Variants in WDPCP observed in about 807,000 individuals in gnomAD.
WDPCP encodes the protein WD repeat containing planar cell polarity effector.
Under a neutral mutation model 93.1 loss-of-function variants are expected in WDPCP, and 71 were observed. That is an observed-to-expected ratio of 0.76 (90% CI 0.63 to 0.93). The LOEUF is 0.93. Ranked by LOEUF, WDPCP falls within the 40% of genes least tolerant of loss-of-function variation. The pLI, the probability that WDPCP is intolerant of heterozygous loss-of-function variation, is 0.00. For synonymous variants in WDPCP, 315 were observed against 315.0 expected (o/e 1.00, Z 0.00); for missense variants, 844 against 887.4 (o/e 0.95, Z 0.62).
chr2:63,267,495 T>C (rs1325834696), intron 13 of WDPCP, among the ~76,000 whole-genome samples: 1 of 151,994 alleles, frequency 6.6e-6, no homozygotes, highest in Non-Finnish European at 1.5e-5. Flanking sequence ...GAGACTGCAA[T>C]GAATGAAAAA....
At chr2:63,558,357 G>A (rs1453313419) in intron 1 of WDPCP, among the ~76,000 whole-genome samples, 6 of 151,750 alleles carry the variant, frequency 4.0e-5, no homozygotes, top group African/African-American at 7.3e-5. Flanking sequence ...GGGAAACCCC[G>A]TCTCTACTAA....
intron 14 of WDPCP, among the ~76,000 whole-genome samples, chr2:63,240,814 A>C (rs1679803318): frequency 6.6e-6 from 1 of 152,200 alleles, no homozygotes; most frequent in South Asian, 2.1e-4. Context: ...GAAGGGCTAA[A>C]AGCATAACAT....
intron 14 of WDPCP, among the ~76,000 whole-genome samples, chr2:63,194,561 A>AG (rs1349913571): frequency 7.9e-5 from 12 of 152,168 alleles, no homozygotes; most frequent in African/African-American, 2.9e-4. Context: ...TATGTACAAA[A>AG]GTTTGTCTTT....
At chr2:63,538,058 G>GT (rs905147808) in intron 1 of WDPCP, among the ~76,000 whole-genome samples, 5 of 152,050 alleles carry the variant, frequency 3.3e-5, no homozygotes, top group East Asian at 1.9e-4. Flanking sequence ...AGGTTTTGGG[G>GT]TTTTTTTAAT....
At chr2:63,629,907 C>T (rs767699774) in intron 3 of WDPCP, among the ~76,000 whole-genome samples, 46 of 152,292 alleles carry the variant, frequency 3.0e-4, no homozygotes, top group South Asian at 1.2e-3. Context: ...AATTACTTGT[C>T]ACACCATGAA....
chr2:63,832,264 TTTCC>T (rs1315112230), upstream of WDPCP, among the ~76,000 whole-genome samples: 1 of 152,220 alleles, frequency 6.6e-6, no homozygotes, highest in Non-Finnish European at 1.5e-5. Flanking sequence ...AGCTTGTCAT[TTTCC>T]ATCAGGTAAT....
chr2:63,539,536 A>G (rs1218400247), intron 1 of WDPCP, among the ~76,000 whole-genome samples: 1 of 152,164 alleles, frequency 6.6e-6, no homozygotes, highest in Non-Finnish European at 1.5e-5. Context: ...TCTCAAAAAT[A>G]CAGAAATTAG....
chr2:63,313,326 A>G lies in WDPCP; in HGVS notation c.1749-15T>C. The G allele has an allele frequency of 6.2e-7, 1 of 1,611,408 alleles. No homozygotes were observed. Among genetic ancestry groups the G allele is most frequent in the Middle Eastern group, 1.7e-4 (1 of 6,052 alleles). On this transcript the variant is annotated splice_polypyrimidine_tract_variant and intron_variant, in intron 12 of 17. Transcript: ENST00000272321. Reference sequence around the variant, plus strand: ...ACCTCTGGTACCTACAAGGCAGAAAAAAATATTATGTTAGTTGTGAACAAG... The same window carrying G: ...ACCTCTGGTACCTACAAGGCAGAAAGAAATATTATGTTAGTTGTGAACAAG...
At chr2:63,585,704 A>G (rs1163057419) in intron 1 of WDPCP, among the ~76,000 whole-genome samples, 1 of 152,214 alleles carries the variant, frequency 6.6e-6, no homozygotes, top group African/African-American at 2.4e-5. Context: ...TTATAACAAA[A>G]TTGTTATAAA....
intron 3 of WDPCP, among the ~76,000 whole-genome samples, chr2:63,634,144 A>G (rs1709896987): frequency 6.6e-6 from 1 of 152,186 alleles, no homozygotes; most frequent in Non-Finnish European, 1.5e-5. Flanking sequence ...ATACAACTAT[A>G]TGCTACCTAC....
intron 1 of WDPCP, among the ~76,000 whole-genome samples, chr2:63,575,440 T>TATATATACA (rs1558832505): frequency 1.3e-5 from 1 of 76,584 alleles, no homozygotes; most frequent in African/African-American, 8.0e-5. Flanking sequence ...GTATATACAG[T>TATATATACA]GTATACACTG....
At chr2:63,738,967 G>A (rs1669676593) in intron 2 of WDPCP, among the ~76,000 whole-genome samples, 1 of 152,094 alleles carries the variant, frequency 6.6e-6, no homozygotes, top group Non-Finnish European at 1.5e-5. Context: ...TTGTACAAAT[G>A]AACTTATACA....
intron 17 of WDPCP, among the ~76,000 whole-genome samples, chr2:63,122,386 T>C (rs1669603973): frequency 6.6e-6 from 1 of 152,192 alleles, no homozygotes; most frequent in South Asian, 2.1e-4. Context: ...TACAGTGTGA[T>C]TTTAAAATAC....
At chr2:63,319,714 G>A (rs544867984) in intron 12 of WDPCP, among the ~76,000 whole-genome samples, 4 of 151,994 alleles carry the variant, frequency 2.6e-5, no homozygotes, top group South Asian at 2.1e-4. Context: ...TCCTGACCTC[G>A]TGATCCACCC....
chr2:63,464,851 GAA>G (rs915220850), intron 6 of WDPCP, among the ~76,000 whole-genome samples: 11 of 151,996 alleles, frequency 7.2e-5, no homozygotes, highest in Non-Finnish European at 1.6e-4. Flanking sequence ...CATAGAAACA[GAA>G]AGTAGAATGC....
chr2:63,429,432 A>C (rs887960797), intron 9 of WDPCP, among the ~76,000 whole-genome samples: 1 of 152,192 alleles, frequency 6.6e-6, no homozygotes, highest in African/African-American at 2.4e-5. Context: ...AAATATTTGT[A>C]AACTGTGCAT....
intron 1 of WDPCP, among the ~76,000 whole-genome samples, chr2:63,528,687 T>C (rs1008640727): frequency 6.6e-6 from 1 of 152,234 alleles, no homozygotes; most frequent in Non-Finnish European, 1.5e-5. Flanking sequence ...AGGATTGACG[T>C]GGCAATGTGG....
At chr2:63,709,820 A>G (rs1215691534) in intron 2 of WDPCP, among the ~76,000 whole-genome samples, 1 of 152,232 alleles carries the variant, frequency 6.6e-6, no homozygotes, top group Non-Finnish European at 1.5e-5. Context: ...GCAGAGAGTT[A>G]CAATAAAATG....
At position 63,822,470 on chromosome 2, in the gene WDPCP, C is replaced by G. The variant is rs577851877; in HGVS notation, n.222+5152G>C. The stretch of plus-strand genomic sequence containing the variant: ...CTTTCAAAGTATCAGTTTGCACACA[C>G]TAAATTTGGATTTTACTTTATTATA... On this transcript the variant is annotated intron_variant and non_coding_transcript_variant, in intron 1 of 4. Coordinates refer to the WDPCP transcript ENST00000467687. Among the ~76,000 whole-genome samples, 174 of 152,212 alleles carry G rather than the reference C, an allele frequency of 1.1e-3. 1 individual carries two copies. The highest frequency in any genetic ancestry group is 3.4e-3 in the Middle Eastern group (1 of 294).
Sources: gnomAD v4.1 joint callset for allele counts (sites outside exome capture counted in the v4.1 genomes callset) on GRCh38, gnomAD v4.1.1 for gene constraint, MANE v1.5 for transcripts, NCBI Gene and HGNC (gene_info 2026-07-23, HGNC 2026-07-21) for gene names.